Variants in PDE7A observed in about 807,000 individuals in gnomAD.
PDE7A encodes phosphodiesterase 7A, also known as high affinity 3',5'-cyclic-AMP phosphodiesterase 7A.
In PDE7A, 39 loss-of-function variants were observed where a neutral mutation model predicts 64.3. The observed-to-expected ratio is 0.61, with a 90% CI of 0.47 to 0.79. The LOEUF (loss-of-function observed/expected upper bound fraction) is 0.79. PDE7A is among the 30% of genes least tolerant of loss of function. The pLI, the probability that PDE7A is intolerant of heterozygous loss-of-function variation, is 0.00. For synonymous variants in PDE7A, 203 were observed against 206.8 expected (o/e 0.98, Z 0.16); for missense variants, 470 against 582.8 (o/e 0.81, Z 1.99).
intron 7 of PDE7A, among the ~76,000 whole-genome samples, chr8:65,731,996 T>A (rs1806912126): frequency 6.6e-6 from 1 of 151,722 alleles, no homozygotes; most frequent in Non-Finnish European, 1.5e-5. Flanking sequence ...ATTGTTGTTG[T>A]TGTTGTTGTT....
intron 1 of PDE7A, chr8:65,789,045 G>A: frequency 1.3e-6 from 2 of 1,514,056 alleles, no homozygotes; most frequent in Non-Finnish European, 1.8e-6. Context: ...GCAAAAGAGA[G>A]GGGACACTGA....
intron 7 of PDE7A, among the ~76,000 whole-genome samples, chr8:65,732,611 T>G (rs992964219): frequency 2.0e-5 from 3 of 152,182 alleles, no homozygotes; most frequent in African/African-American, 7.2e-5. Context: ...CCTCCCAGGC[T>G]CAAGTGATCC....
intron 3 of PDE7A, among the ~76,000 whole-genome samples, chr8:65,768,369 G>A (rs1341865473): frequency 6.6e-6 from 1 of 152,170 alleles, no homozygotes; most frequent in Non-Finnish European, 1.5e-5. Flanking sequence ...CTGGTAGGAG[G>A]TAGTTGAATC....
intron 5 of PDE7A, 76 bp downstream of exon 5, chr8:65,745,331 C>T (rs1807625212): frequency 1.2e-6 from 1 of 852,878 alleles, no homozygotes. Flanking sequence ...TAAATGAAAG[C>T]AACGCACCAG....
chr8:65,757,959 A>G (rs541360477), intron 3 of PDE7A, among the ~76,000 whole-genome samples: 3 of 152,338 alleles, frequency 2.0e-5, no homozygotes, highest in African/African-American at 7.2e-5. Flanking sequence ...CCCTCAATTT[A>G]TAACCCACTT....
chr8:65,830,846 G>C (rs1810799931), intron 1 of PDE7A, among the ~76,000 whole-genome samples: 1 of 150,830 alleles, frequency 6.6e-6, no homozygotes, highest in Non-Finnish European at 1.5e-5. Flanking sequence ...TTTTGTTGCA[G>C]AAAAATATAA....
At position 65,727,152 on chromosome 8, in the gene PDE7A, T is replaced by C; in HGVS notation, c.828+18A>G. On this transcript the variant is annotated intron_variant, in intron 8 of 12. Transcript: ENST00000401827. Reference sequence around the variant, plus strand: ...AGAATGCAAAAATAATAAATCTTGATGATAAAATTGCACTAACCTTGTATA... The same window carrying C: ...AGAATGCAAAAATAATAAATCTTGACGATAAAATTGCACTAACCTTGTATA... The C allele has an allele frequency of 2.9e-6, 4 of 1,365,684 alleles. No individual in the cohort carries two copies. The highest frequency in any genetic ancestry group is 4.2e-6 in the Non-Finnish European group (4 of 963,216). The allele number at this position is 1,365,684 out of a possible 1,614,324, so 84.6% of individuals were successfully genotyped here. A position where few individuals can be genotyped will look rare whatever the true frequency, so the allele number is the denominator to read the frequency against.
intron 7 of PDE7A, among the ~76,000 whole-genome samples, chr8:65,732,300 C>A (rs1233930413): frequency 2.6e-5 from 4 of 151,814 alleles, no homozygotes; most frequent in Non-Finnish European, 5.9e-5. Context: ...TGCCCAGCCA[C>A]TAACATATTA....
At chr8:65,741,113 A>T (rs1375094210) in intron 5 of PDE7A, among the ~76,000 whole-genome samples, 1 of 152,140 alleles carries the variant, frequency 6.6e-6, no homozygotes, top group Non-Finnish European at 1.5e-5. Flanking sequence ...TATACCTCCT[A>T]TTATACTTCT....
chr8:65,743,414 A>C (rs1361089896), intron 5 of PDE7A, among the ~76,000 whole-genome samples: 1 of 152,204 alleles, frequency 6.6e-6, no homozygotes, highest in Non-Finnish European at 1.5e-5. Context: ...AGGGCAAAGG[A>C]AAAGTAGAAG....
intron 5 of PDE7A, among the ~76,000 whole-genome samples, chr8:65,743,064 G>C (rs1807512878): frequency 6.6e-6 from 1 of 152,126 alleles, no homozygotes; most frequent in Admixed American, 6.6e-5. Flanking sequence ...ATTTGGAGAA[G>C]AACAATCAAC....
Position 65,716,060 on chromosome 8 carries a change from A to G in PDE7A, c.*3230T>C, listed in dbSNP as rs1806127818. Reference sequence around the variant, plus strand: ...TGGTGTGGTGGCACTCAGGAGGCTGAGGTGGGAGGATTGCTTGAGCCTAGG... The same window carrying G: ...TGGTGTGGTGGCACTCAGGAGGCTGGGGTGGGAGGATTGCTTGAGCCTAGG... On this transcript the variant is annotated 3_prime_UTR_variant, in exon 13 of 13. Coordinates refer to ENST00000401827, the MANE Select transcript of PDE7A (RefSeq NM_001242318.3). Among the ~76,000 whole-genome samples the G allele has an allele frequency of 7.5e-6, 1 of 133,538 alleles. No individual in the cohort carries two copies. The highest frequency in any genetic ancestry group is 2.6e-4 in the East Asian group (1 of 3,810). The allele number at this position is 133,538 out of a possible 152,430, so 87.6% of individuals were successfully genotyped here. A position where few individuals can be genotyped will look rare whatever the true frequency, so the allele number is the denominator to read the frequency against.
Position 65,824,911 on chromosome 8 carries a change from T to G in PDE7A, c.138+16460A>C, listed in dbSNP as rs1294107134. 2.6e-5 allele frequency among the ~76,000 whole-genome samples: 4 copies of G among 152,198 alleles called. No individual in the cohort carries two copies. In the East Asian group the frequency reaches 7.7e-4, roughly 29 times the overall value. On this transcript the variant is annotated intron_variant, in intron 1 of 12. Coordinates refer to ENST00000401827, the MANE Select transcript of PDE7A (RefSeq NM_001242318.3). ...GAACCCACAATATCTGAGGTATGCC[T>G]ATAGATAGAGCAGGTAATTAATAAC...
intron 1 of PDE7A, among the ~76,000 whole-genome samples, chr8:65,804,388 T>C (rs1164990894): frequency 6.6e-6 from 1 of 152,122 alleles, no homozygotes; most frequent in Non-Finnish European, 1.5e-5. Flanking sequence ...GAAAGTCGTG[T>C]CAACTTTAAC....
At chr8:65,760,083 T>C (rs1808420769) in intron 3 of PDE7A, among the ~76,000 whole-genome samples, 1 of 151,956 alleles carries the variant, frequency 6.6e-6, no homozygotes, top group Admixed American at 6.6e-5. Context: ...CTACTAAAAA[T>C]GCAAAAATTA....
chr8:65,809,730 C>T lies in PDE7A; in HGVS notation c.139-26887G>A, dbSNP rs1362370234. Among the ~76,000 whole-genome samples the T allele has an allele frequency of 2.6e-5, 4 of 152,174 alleles. No individual in the cohort carries two copies. In the East Asian group the frequency reaches 7.7e-4, roughly 29 times the overall value. On this transcript the variant is annotated intron_variant, in intron 1 of 12. Coordinates refer to ENST00000401827, the MANE Select transcript of PDE7A (RefSeq NM_001242318.3). ...TTTTCAAAAGAAGACATTTATGCAG[C>T]CAACAGACACATGAAAAAATGCTCA...
At position 65,719,418 on chromosome 8, in the gene PDE7A, G is replaced by C. The variant is rs1806283808; in HGVS notation, c.1321C>G (p.Leu441Val). 1 of 1,614,008 alleles carries C rather than the reference G, an allele frequency of 6.2e-7. No homozygotes were observed. Among genetic ancestry groups the C allele is most frequent in the Non-Finnish European group, 8.5e-7 (1 of 1,179,880 alleles). The part of the protein sequence containing the change: ...FSNTRLSQTM[L>V]GHVGLNKASW... ...GCTTTATTCAGCCCCACGTGTCCAA[G>C]CATTGTCTGGGATAGCCTTGTATTG... The change falls in exon 13 of 13, where the codon CTT becomes GTT. Residue 441 changes from leucine to valine, a missense_variant. Transcript: ENST00000401827.
At chr8:65,724,144 A>G in intron 11 of PDE7A, 111 bp downstream of exon 11, 1 of 629,810 alleles carries the variant, frequency 1.6e-6, no homozygotes, top group Non-Finnish European at 2.8e-6. Context: ...GTTACTAAAA[A>G]TGTCAAGACT....
intron 1 of PDE7A, among the ~76,000 whole-genome samples, chr8:65,790,680 G>A (rs1310419339): frequency 2.0e-5 from 3 of 152,064 alleles, no homozygotes; most frequent in Non-Finnish European, 4.4e-5. Context: ...CTTAACACAT[G>A]GCCATAAAAT....
Sources: gnomAD v4.1 joint callset for allele counts (sites outside exome capture counted in the v4.1 genomes callset) on GRCh38, gnomAD v4.1.1 for gene constraint, MANE v1.5 for transcripts, NCBI Gene and HGNC (gene_info 2026-07-23, HGNC 2026-07-21) for gene names.